ABCA13: variants seen among roughly 807,000 people sequenced by gnomAD.
ABCA13 encodes the protein ATP binding cassette subfamily A member 13.
A neutral mutation model predicts 478.7 loss-of-function variants in ABCA13; 476 were observed. The ratio of observed to expected loss-of-function variants is 0.99; its 90% confidence interval spans 0.92 to 1.07. The LOEUF is 1.07. Among genes scored for constraint, ABCA13 ranks in the 50% least tolerant of loss-of-function variants. The probability of loss-of-function intolerance (pLI) is 0.00; values close to 1 mark genes in which losing one functional copy is unlikely to be tolerated. For missense variants in ABCA13, 6,060 were observed against 5,910.6 expected (o/e 1.03, Z -0.83); for synonymous variants, 2,252 against 2,158.9 (o/e 1.04, Z -1.20).
At position 48,528,341 on chromosome 7, in the gene ABCA13, A is replaced by G; in HGVS notation, c.14350A>G (p.Met4784Val). ...TSGHAIIRTP[M>V]GDAVDLSSAG... is the part of the protein sequence containing the mutation. ...AGGACATGCTATCATCAGGACTCCC[A>G]TGGGGTAAGATACAGATTTCATCAT... The change falls in exon 55 of 62, where the codon ATG (methionine) becomes GTG (valine). Residue 4784 changes from methionine (M) to valine (V), a missense_variant. Coordinates refer to ENST00000435803, the MANE Select transcript of ABCA13 (RefSeq NM_152701.5). 6.5e-7 allele frequency: 1 copy of G among 1,549,808 alleles called. No individual in the cohort carries two copies. Among genetic ancestry groups the G allele is most frequent in the Non-Finnish European group, 8.7e-7 (1 of 1,145,680 alleles).
chr7:48,183,656 G>A (rs1795997291), intron 1 of ABCA13, among the ~76,000 whole-genome samples: 1 of 152,140 alleles, frequency 6.6e-6, no homozygotes, highest in South Asian at 2.1e-4. Context: ...CATCCTCTTG[G>A]ACAGAAACTA....
intron 43 of ABCA13, among the ~76,000 whole-genome samples, chr7:48,459,385 GAC>G (rs1826012352): frequency 6.6e-6 from 1 of 152,138 alleles, no homozygotes; most frequent in Non-Finnish European, 1.5e-5. Context: ...ACTTCAGAAT[GAC>G]ACAATCATAC....
At chr7:48,179,181 C>T (rs987146567) in intron 1 of ABCA13, among the ~76,000 whole-genome samples, 4 of 152,004 alleles carry the variant, frequency 2.6e-5, no homozygotes, top group African/African-American at 9.7e-5. Flanking sequence ...CAAACAACAA[C>T]AAAACAGTCA....
intron 2 of ABCA13, among the ~76,000 whole-genome samples, chr7:48,194,654 A>G (rs1472352080): frequency 6.6e-6 from 1 of 152,170 alleles, no homozygotes; most frequent in African/African-American, 2.4e-5. Context: ...TCATTACATC[A>G]ATAAGGGTTT....
intron 59 of ABCA13, among the ~76,000 whole-genome samples, chr7:48,620,205 G>C (rs1289387042): frequency 6.8e-6 from 1 of 147,136 alleles, no homozygotes. Flanking sequence ...GTAAAATTTG[G>C]TTAAAAGGGG....
At chr7:48,211,599 C>G (rs1239811701) in intron 3 of ABCA13, among the ~76,000 whole-genome samples, 1 of 152,056 alleles carries the variant, frequency 6.6e-6, no homozygotes, top group African/African-American at 2.4e-5. Flanking sequence ...AGTACTGGGG[C>G]TTACCCAAGG....
intron 15 of ABCA13, among the ~76,000 whole-genome samples, chr7:48,263,834 C>A (rs1794519150): frequency 6.6e-6 from 1 of 151,804 alleles, no homozygotes; most frequent in Non-Finnish European, 1.5e-5. Flanking sequence ...TACAGGCATG[C>A]AATGTGTAGT....
chr7:48,557,076 A>G (rs1243845784), intron 55 of ABCA13, among the ~76,000 whole-genome samples: 2 of 152,076 alleles, frequency 1.3e-5, no homozygotes, highest in African/African-American at 4.8e-5. Flanking sequence ...GGAAACTACT[A>G]AAAACTCTAG....
intron 29 of ABCA13, among the ~76,000 whole-genome samples, chr7:48,343,893 A>G (rs562186276): frequency 3.0e-4 from 46 of 152,298 alleles, no homozygotes; most frequent in African/African-American, 1.0e-3. Context: ...CTCTTCAATT[A>G]AGGGGAGTTT....
At chr7:48,215,262 A>G (rs1415835979) in intron 3 of ABCA13, among the ~76,000 whole-genome samples, 1 of 152,154 alleles carries the variant, frequency 6.6e-6, no homozygotes, top group Admixed American at 6.6e-5. Context: ...AGGGAACAGG[A>G]AGGCCCGAGG....
intron 55 of ABCA13, among the ~76,000 whole-genome samples, chr7:48,575,502 C>A (rs1010326334): frequency 6.6e-6 from 1 of 152,080 alleles, no homozygotes; most frequent in Non-Finnish European, 1.5e-5. Context: ...TTATCACATA[C>A]AACAGAATTA....
In ABCA13 at chr7:48,630,232, G is replaced by T. The variant is rs941292562; in HGVS notation, c.14838-13056G>T. Among the ~76,000 whole-genome samples, 67 of 152,030 alleles carry T rather than the reference G, an allele frequency of 4.4e-4. 2 individuals are homozygous for T. The highest frequency in any genetic ancestry group is 8.8e-5 in the Non-Finnish European group (6 of 68,016). On this transcript the variant is annotated intron_variant, in intron 59 of 61. Transcript: ENST00000435803. ...TATAGGTAAATTTCATGTCATGGGG[G>T]TTTGGTGTACACGTTATTTCATCAC...
At chr7:48,282,651 A>G (rs1290779214) in intron 19 of ABCA13, among the ~76,000 whole-genome samples, 1 of 151,958 alleles carries the variant, frequency 6.6e-6, no homozygotes, top group Non-Finnish European at 1.5e-5. Flanking sequence ...CCTTTCCTTG[A>G]TTTACTCCTG....
chr7:48,529,295 A>G (rs948591966), intron 55 of ABCA13, among the ~76,000 whole-genome samples: 1 of 152,230 alleles, frequency 6.6e-6, no homozygotes, highest in Admixed American at 6.5e-5. Context: ...CTTTAATTTC[A>G]TAGCCAGTTT....
At chr7:48,227,235 C>A in intron 5 of ABCA13, 27 bp from the exon 6 acceptor site, 1 of 1,609,586 alleles carries the variant, frequency 6.2e-7, no homozygotes, top group East Asian at 2.2e-5. Flanking sequence ...CAGAGGGAAA[C>A]TTTTGGTGTA....
intron 57 of ABCA13, among the ~76,000 whole-genome samples, chr7:48,592,052 T>C (rs1216680807): frequency 6.6e-6 from 1 of 151,978 alleles, no homozygotes; most frequent in Non-Finnish European, 1.5e-5. Context: ...TTGAAGTTTT[T>C]AGCTTTTCAC....
chr7:48,233,227 G>A (rs1789432361), intron 7 of ABCA13, among the ~76,000 whole-genome samples: 1 of 152,148 alleles, frequency 6.6e-6, no homozygotes, highest in Non-Finnish European at 1.5e-5. Context: ...GATAATGCTT[G>A]TGAAAATGGC....
At chr7:48,444,329 C>T (rs58553345) in intron 42 of ABCA13, among the ~76,000 whole-genome samples, 21,027 of 152,064 alleles carry the variant, frequency 0.14, 1,904 homozygotes, top group African/African-American at 0.24. Context: ...CTTGCATCGT[C>T]GTCTCTCACT....
chr7:48,190,545 C>T (rs923666896), intron 1 of ABCA13, among the ~76,000 whole-genome samples: 1 of 152,018 alleles, frequency 6.6e-6, no homozygotes, highest in Non-Finnish European at 1.5e-5. Context: ...AGAAACACTC[C>T]TAAGAGAGTT....
Sources: gnomAD v4.1 joint callset for allele counts (sites outside exome capture counted in the v4.1 genomes callset) on GRCh38, gnomAD v4.1.1 for gene constraint, MANE v1.5 for transcripts, NCBI Gene and HGNC (gene_info 2026-07-23, HGNC 2026-07-21) for gene names.